CFAP92: variants seen among roughly 807,000 people sequenced by gnomAD.
CFAP92 encodes cilia and flagella associated protein 92 (putative).
In CFAP92, 86 loss-of-function variants were observed where a neutral mutation model predicts 106.3. The observed-to-expected ratio is 0.81, with a 90% CI of 0.68 to 0.97. The LOEUF is 0.97. Among genes scored for constraint, CFAP92 ranks in the 50% least tolerant of loss-of-function variants. The pLI, the probability that CFAP92 is intolerant of heterozygous loss-of-function variation, is 0.00. For missense variants in CFAP92, 1,204 were observed against 1,283.8 expected, an observed-to-expected ratio of 0.94 and a Z score of 0.95; for synonymous variants, 477 against 506.4, an observed-to-expected ratio of 0.94 and a Z score of 0.78.
chr3:128,970,355 AGGCTCTGACTTACGGGGTTTTT>A (rs1309221775), intron 8 of CFAP92: 1 of 152,172 alleles, frequency 6.6e-6, no homozygotes, highest in Non-Finnish European at 1.5e-5. Context: ...ACTGAACTGG[AGGCTCTGACTTACGGGGTTTTT>A]GCCCCCTTCT....
chr3:128,925,591 T>C (rs902474064), intron 12 of CFAP92, among the ~76,000 whole-genome samples: 3 of 152,078 alleles, frequency 2.0e-5, no homozygotes, highest in Non-Finnish European at 4.4e-5. Flanking sequence ...ATATCTAACA[T>C]TGGAGTCCCA....
intron 1 of CFAP92, among the ~76,000 whole-genome samples, chr3:128,999,170 C>A (rs1944590694): frequency 6.6e-6 from 1 of 152,154 alleles, no homozygotes; most frequent in South Asian, 2.1e-4. Flanking sequence ...ACACGCCCAT[C>A]CCCCCAGCTC....
intron 2 of CFAP92, among the ~76,000 whole-genome samples, chr3:128,989,546 G>A (rs1944084499): frequency 6.6e-6 from 1 of 151,968 alleles, no homozygotes; most frequent in Admixed American, 6.6e-5. Flanking sequence ...GGATGTGGAA[G>A]GTACAGATGG....
At chr3:128,919,982 A>T (rs902519409) in intron 12 of CFAP92, among the ~76,000 whole-genome samples, 1 of 152,362 alleles carries the variant, frequency 6.6e-6, no homozygotes, top group African/African-American at 2.4e-5. Context: ...ATAGTTTTCA[A>T]TACCCTCTTT....
At position 128,915,366 on chromosome 3, in the gene CFAP92, C is replaced by T; in HGVS notation, c.3114G>A (p.Glu1038=). 4 of 1,536,128 alleles carry T rather than the reference C, an allele frequency of 2.6e-6. No homozygotes were observed. Among genetic ancestry groups the T allele is most frequent in the Non-Finnish European group, 3.5e-6 (4 of 1,146,908 alleles). ...FQDLKLPPIK[E]LNEEWKENSL... Reference sequence around the variant, plus strand: ...GCTCTTCCCTGTGGACCTCATTCAGCTCTTTGATGGGTGGCAGCTTGAGAT... The same window carrying T: ...GCTCTTCCCTGTGGACCTCATTCAGTTCTTTGATGGGTGGCAGCTTGAGAT... Residue 1038 remains glutamate, a synonymous_variant, in exon 14 of 16, where the codon GAG becomes GAA. Transcript: ENST00000645291.
the CFAP92 span, among the ~76,000 whole-genome samples, chr3:129,026,744 C>T: frequency 1.1e-4 from 17 of 152,266 alleles, 1 homozygote; most frequent in South Asian, 3.5e-3. Context: ...TAGGGAGATA[C>T]TGGCACCTCC....
At position 128,932,846 on chromosome 3, in the gene CFAP92, G is replaced by A; in HGVS notation, c.2605C>T (p.Pro869Ser). The change falls in exon 12 of 16, where the codon CCA (proline) becomes TCA (serine). Residue 869 changes from proline (P) to serine (S), a missense_variant. Transcript: ENST00000645291. ...TCAAGATTGGGGGCAGGCTGAGGTG[G>A]TAGGGCAAACAGTTTCTCATCTGTG... ...ELTDEKLFALPPQPAPNLEDY... is the reference protein window; with the variant it reads ...ELTDEKLFALSPQPAPNLEDY... 2 of 1,536,246 alleles carry A rather than the reference G, an allele frequency of 1.3e-6. No individual in the cohort carries two copies. The highest frequency in any genetic ancestry group is 1.2e-5 in the South Asian group (1 of 84,062).
chr3:128,939,046 T>C lies in CFAP92; in HGVS notation c.2259-3727A>G, dbSNP rs531599011. 1.4e-4 allele frequency among the ~76,000 whole-genome samples: 21 copies of C among 152,322 alleles called. No individual in the cohort carries two copies. The South Asian group carries it at 4.3e-3, about 32-fold the overall frequency. The stretch of plus-strand genomic sequence containing the variant: ...AGCAGTGGTTGCCAGGGGTTAAGGA[T>C]GTCTGTCCTTCTTTCCTATGAAAAC... On this transcript the variant is annotated intron_variant, in intron 10 of 15. Transcript: ENST00000645291.
At chr3:128,991,987 G>A in intron 2 of CFAP92, 1 of 567,518 alleles carries the variant, frequency 1.8e-6, no homozygotes, top group Non-Finnish European at 2.2e-6. Context: ...CTTGAGGAGT[G>A]TTTGTGGGGC....
intron 9 of CFAP92, among the ~76,000 whole-genome samples, chr3:128,947,695 G>A (rs1163215344): frequency 3.3e-5 from 5 of 152,184 alleles, no homozygotes; most frequent in African/African-American, 4.8e-5. Flanking sequence ...CAAAGGCTGG[G>A]TGTGGTGGCT....
chr3:128,988,523 G>C (rs1944004493), intron 3 of CFAP92, among the ~76,000 whole-genome samples: 1 of 151,816 alleles, frequency 6.6e-6, no homozygotes, highest in African/African-American at 2.4e-5. Context: ...CTGGGCAACA[G>C]AGCAAGACTC....
At chr3:128,963,374 T>C (rs144520851) in intron 9 of CFAP92, among the ~76,000 whole-genome samples, 5,874 of 152,262 alleles carry the variant, frequency 0.039, 281 homozygotes, top group African/African-American at 0.11. Context: ...TTAATACTGT[T>C]AGAGGCCCTA....
chr3:128,939,374 G>C (rs1478961712), intron 10 of CFAP92, among the ~76,000 whole-genome samples: 1 of 152,022 alleles, frequency 6.6e-6, no homozygotes, highest in Non-Finnish European at 1.5e-5. Flanking sequence ...CCTGACCTTG[G>C]GTAATTGCCC....
chr3:128,915,041 T>C (rs1936690912), intron 15 of CFAP92, 78 bp downstream of exon 15: 2 of 1,406,280 alleles, frequency 1.4e-6, no homozygotes, highest in Non-Finnish European at 1.9e-6. Flanking sequence ...TGGATACCAC[T>C]GAAGATGCAG....
At position 128,965,423 on chromosome 3, in the gene CFAP92, G is replaced by T. The variant is rs72977154; in HGVS notation, c.1353+88C>A. The T allele has an allele frequency of 9.6e-3, 3,814 of 398,184 alleles. 124 individuals are homozygous for T. The highest frequency in any genetic ancestry group is 0.067 in the African/African-American group (3,264 of 48,674). 24.7% of individuals were successfully genotyped at this position (398,184 alleles called of 1,614,324 possible). On this transcript the variant is annotated intron_variant, in intron 9 of 15. Transcript: ENST00000645291. ...AGAATGACCACATTTCTCATGTGGG[G>T]CCATCAGGAGGACTAGAGGTGGCAT...
intron 11 of CFAP92, among the ~76,000 whole-genome samples, chr3:128,933,343 G>A (rs1221658470): frequency 2.0e-5 from 3 of 152,148 alleles, no homozygotes; most frequent in African/African-American, 7.2e-5. Context: ...AGAGCCTTCC[G>A]CACCAGGAGG....
At chr3:128,974,408 G>C (rs1943010728) in intron 7 of CFAP92, among the ~76,000 whole-genome samples, 1 of 152,176 alleles carries the variant, frequency 6.6e-6, no homozygotes, top group Non-Finnish European at 1.5e-5. Context: ...TGAGAATGAG[G>C]AAGTTGATTT....
chr3:128,911,353 G>A (rs143371908), intron 15 of CFAP92, among the ~76,000 whole-genome samples: 50 of 150,562 alleles, frequency 3.3e-4, no homozygotes, highest in Non-Finnish European at 6.1e-4. Flanking sequence ...CCACCGCACC[G>A]GGCCTGCCAA....
At chr3:129,014,531 G>A in the CFAP92 span, among the ~76,000 whole-genome samples, 154 of 152,338 alleles carry the variant, frequency 1.0e-3, 1 homozygote, top group African/African-American at 3.7e-3. This position sits in a 1 kb window ranked among gnomAD's most constrained non-coding sequence, Gnocchi z 4.3. Context: ...CTGGATTAGG[G>A]CCCACCCTAA....
Sources: gnomAD v4.1 joint callset for allele counts (sites outside exome capture counted in the v4.1 genomes callset) on GRCh38, gnomAD v4.1.1 for gene constraint, Gnocchi (gnomAD v3.1) non-coding constraint, MANE v1.5 for transcripts, NCBI Gene and HGNC (gene_info 2026-07-23, HGNC 2026-07-21) for gene names.